Variants in RNF17 observed in about 807,000 individuals in gnomAD.
The protein encoded by RNF17 is ring finger protein 17.
Under a neutral mutation model 200.5 loss-of-function variants are expected in RNF17, and 31 were observed. The ratio of observed to expected loss-of-function variants is 0.15; its 90% CI spans 0.12 to 0.21. The LOEUF (loss-of-function observed/expected upper bound fraction) is 0.21. Ranked by LOEUF, RNF17 falls within the 10% of genes least tolerant of loss-of-function variation. The pLI, the probability that RNF17 is intolerant of heterozygous loss-of-function variation, is 1.00. For synonymous variants in RNF17, 606 were observed against 637.8 expected (o/e 0.95, Z 0.75); for missense variants, 1,628 against 1,905.1 (o/e 0.85, Z 2.71).
chr13:24,888,458 C>T, the RNF17 span, among the ~76,000 whole-genome samples: 3 of 152,174 alleles, frequency 2.0e-5, no homozygotes, highest in African/African-American at 7.2e-5. Flanking sequence ...TGTAAGAAAA[C>T]ATGCTCACAG....
intron 3 of RNF17, among the ~76,000 whole-genome samples, chr13:24,775,713 C>T (rs1376507699): frequency 6.6e-6 from 1 of 152,108 alleles, no homozygotes. Flanking sequence ...TTAATAGATT[C>T]TCTTTTTGAA....
At chr13:24,764,143 C>T (rs1879177228), upstream of RNF17, 2 of 1,489,874 alleles carry the variant, frequency 1.3e-6, no homozygotes, top group Non-Finnish European at 9.1e-7. Context: ...AATGATTGGT[C>T]GCTGCCGCGA....
At chr13:24,784,984 GGT>G (rs1358402215) in intron 6 of RNF17, among the ~76,000 whole-genome samples, 1 of 152,170 alleles carries the variant, frequency 6.6e-6, no homozygotes, top group Non-Finnish European at 1.5e-5. Context: ...TGGGATTACA[GGT>G]GTGAGCCATC....
In RNF17 at chr13:24,843,897, T is replaced by C. The variant is rs1566212190; in HGVS notation, c.2757T>C (p.Pro919=). 6.2e-7 allele frequency: 1 copy of C among 1,601,052 alleles called. No homozygotes were observed. Among genetic ancestry groups the C allele is most frequent in the Non-Finnish European group, 8.5e-7 (1 of 1,172,228 alleles). Residue 919 remains proline, a synonymous_variant, in exon 20 of 36, where the codon CCT becomes CCC. Transcript: ENST00000255324. ...NFQSLYNKEL[P]VHICNVISPE... ...AGTCACTTTATAATAAGGAATTGCC[T>C]GTGCATATCTGTAATGTAATATCTC...
the RNF17 span, among the ~76,000 whole-genome samples, chr13:24,754,038 A>G: frequency 6.6e-6 from 1 of 152,030 alleles, no homozygotes; most frequent in Non-Finnish European, 1.5e-5. Flanking sequence ...GGTGCCTGTA[A>G]TCCCAGCTAC....
downstream of RNF17, among the ~76,000 whole-genome samples, chr13:24,881,944 ATAGATATATAGATACATC>A (rs1156942824): frequency 6.2e-5 from 3 of 48,400 alleles, no homozygotes; most frequent in Non-Finnish European, 1.8e-4. Context: ...ATACATCTAT[ATAGATATATAGATACATC>A]TAGATATATA....
the RNF17 span, chr13:24,751,738 AT>A: frequency 6.6e-6 from 1 of 152,116 alleles, no homozygotes; most frequent in African/African-American, 2.4e-5. Flanking sequence ...TCAAACTTGC[AT>A]TCTTTGATGC....
At chr13:24,886,429 A>G in the RNF17 span, 2 of 1,167,776 alleles carry the variant, frequency 1.7e-6, no homozygotes, top group Non-Finnish European at 2.3e-6. Context: ...GAAATCACTG[A>G]TTTATAGGTC....
At chr13:24,804,258 G>A (rs1885589123) in intron 14 of RNF17, 30 bp from the exon 15 acceptor site, 5 of 1,599,086 alleles carry the variant, frequency 3.1e-6, no homozygotes, top group Non-Finnish European at 4.3e-6. Flanking sequence ...GTGAGACCCT[G>A]CTTACGCTTT....
At chr13:24,848,211 T>C (rs1283865096) in intron 22 of RNF17, among the ~76,000 whole-genome samples, 9 of 152,210 alleles carry the variant, frequency 5.9e-5, no homozygotes, top group Non-Finnish European at 1.3e-4. Context: ...GAGTTAGGAT[T>C]ATAAACACAG....
At chr13:24,764,496 G>C (rs1219405631) in intron 1 of RNF17, 163 bp downstream of exon 1, 4 of 658,898 alleles carry the variant, frequency 6.1e-6, no homozygotes, top group Non-Finnish European at 7.5e-6. Flanking sequence ...CCTCTAAGAG[G>C]GCAGTGCTTG....
At chr13:24,842,298 C>A in intron 19 of RNF17, 137 bp downstream of exon 19, 1 of 647,106 alleles carries the variant, frequency 1.5e-6, no homozygotes, top group Non-Finnish European at 2.4e-6. Flanking sequence ...CTGTCCTGGA[C>A]CAGAAAAAAT....
At chr13:24,860,803 A>G (rs1893013299) in intron 26 of RNF17, among the ~76,000 whole-genome samples, 1 of 152,046 alleles carries the variant, frequency 6.6e-6, no homozygotes, top group Non-Finnish European at 1.5e-5. Flanking sequence ...TTGATACACT[A>G]TTGGATGAGG....
chr13:24,844,561 C>G, intron 20 of RNF17, 91 bp from the exon 21 acceptor site: 1 of 1,009,112 alleles, frequency 9.9e-7, no homozygotes, highest in Non-Finnish European at 1.5e-6. Flanking sequence ...TTGGCTGGAG[C>G]GGAATGAGCA....
chr13:24,749,396 C>T, the RNF17 span, among the ~76,000 whole-genome samples: 1 of 150,900 alleles, frequency 6.6e-6, no homozygotes, highest in African/African-American at 2.4e-5. Flanking sequence ...CCTCCCCTCC[C>T]GGGTTCAAGC....
intron 22 of RNF17, among the ~76,000 whole-genome samples, chr13:24,846,216 C>T (rs1253993632): frequency 6.6e-6 from 1 of 152,204 alleles, no homozygotes; most frequent in African/African-American, 2.4e-5. Context: ...GACTTGAAAG[C>T]ATACCTCTGT....
At chr13:24,838,816 A>G (rs1372964016) in intron 18 of RNF17, among the ~76,000 whole-genome samples, 1 of 147,214 alleles carries the variant, frequency 6.8e-6, no homozygotes, top group Non-Finnish European at 1.5e-5. Flanking sequence ...TGGAAGTCCT[A>G]GCCAGAGCAG....
chr13:24,862,851 C>A, intron 28 of RNF17, 58 bp downstream of exon 28: 1 of 1,007,200 alleles, frequency 9.9e-7, no homozygotes, highest in South Asian at 1.4e-5. Context: ...TTATAATTAA[C>A]ATAATTTGAG....
intron 13 of RNF17, among the ~76,000 whole-genome samples, chr13:24,802,148 G>A (rs980646102): frequency 6.6e-6 from 1 of 151,978 alleles, no homozygotes; most frequent in Non-Finnish European, 1.5e-5. Flanking sequence ...ACCACGCCCC[G>A]CTAATTTTTG....
Sources: allele counts gnomAD v4.1 joint callset (sites outside exome capture counted in the v4.1 genomes callset), GRCh38; gene constraint gnomAD v4.1.1; transcripts MANE v1.5; gene names NCBI Gene and HGNC (gene_info 2026-07-23, HGNC 2026-07-21).